YLPM1: variants seen among roughly 807,000 people sequenced by gnomAD.
YLPM1 encodes YLP motif-containing protein 1.
In YLPM1, 99 loss-of-function variants were observed where a neutral mutation model predicts 230.0. That is an observed-to-expected ratio of 0.43 (90% confidence interval 0.37 to 0.51). The LOEUF (loss-of-function observed/expected upper bound fraction) is 0.51, where lower values mean the gene tolerates loss of function less well. Among genes scored for constraint, YLPM1 ranks in the 20% least tolerant of loss-of-function variants. The probability of loss-of-function intolerance (pLI) is 0.00; values close to 1 mark genes in which losing one functional copy is unlikely to be tolerated. For synonymous variants in YLPM1, 984 were observed against 942.5 expected, an observed-to-expected ratio of 1.04 and a Z score of -0.81; for missense variants, 2,592 against 2,707.7, an observed-to-expected ratio of 0.96 and a Z score of 0.95.
At chr14:74,773,152 G>A (rs1403461964) in intron 1 of YLPM1, among the ~76,000 whole-genome samples, 2 of 152,212 alleles carry the variant, frequency 1.3e-5, no homozygotes, top group Non-Finnish European at 2.9e-5. Context: ...GCCGGGCGTG[G>A]TGGCGGGCGC....
rs1434168956 is a variant in YLPM1, at chr14:74,780,448, C to T, written c.1154C>T (p.Ala385Val). 6.2e-7 allele frequency: 1 copy of T among 1,613,842 alleles called. No individual in the cohort carries two copies. The highest frequency in any genetic ancestry group is 1.3e-5 in the African/African-American group (1 of 75,058). Residue 385 changes from alanine (A) to valine (V), a missense_variant, in exon 3 of 21, where the codon GCT becomes GTT. This residue lies in a region of YLPM1 where 1,862 missense variants were observed against 1,819.8 expected (regional missense o/e 1.02). Coordinates refer to ENST00000325680, the MANE Select transcript of YLPM1 (RefSeq NM_019589.3). ...GATGCCAGGTTAAAGCAGTTGCAGGCTGCAGCAGCACACTGGCAGCAGCAC... is the reference window on the plus strand; with the variant it reads ...GATGCCAGGTTAAAGCAGTTGCAGGTTGCAGCAGCACACTGGCAGCAGCAC... ...EEDARLKQLQ[A>V]AAAHWQQHQQ... is the part of the protein sequence containing the mutation.
At chr14:74,831,480 C>T (rs182104974) in intron 19 of YLPM1, among the ~76,000 whole-genome samples, 3 of 152,160 alleles carry the variant, frequency 2.0e-5, no homozygotes, top group African/African-American at 7.2e-5. Context: ...GTTCTGGTAA[C>T]AATTAGTAAT....
At chr14:74,787,737 G>T (rs555326909) in intron 4 of YLPM1, among the ~76,000 whole-genome samples, 1 of 152,068 alleles carries the variant, frequency 6.6e-6, no homozygotes, top group Middle Eastern at 3.4e-3. Context: ...TAAAGGGGCC[G>T]GGCATGGTGG....
In YLPM1 at chr14:74,763,802, C is replaced by A. The variant is rs1190593935; in HGVS notation, c.313C>A (p.Pro105Thr). 1.3e-6 allele frequency: 2 copies of A among 1,511,912 alleles called. No homozygotes were observed. The highest frequency in any genetic ancestry group is 1.8e-6 in the Non-Finnish European group (2 of 1,130,718). 93.7% of individuals were successfully genotyped at this position (1,511,912 alleles called of 1,614,324 possible). A position where few individuals can be genotyped will look rare whatever the true frequency, so the allele number is the denominator to read the frequency against. ...GGYGDWQPPP[P>T]PMPPPPGPAL... ...CTACGGAGACTGGCAGCCGCCACCGCCACCGATGCCCCCGCCACCCGGGCC... is the reference window on the plus strand; with the variant it reads ...CTACGGAGACTGGCAGCCGCCACCGACACCGATGCCCCCGCCACCCGGGCC... Residue 105 changes from proline to threonine, a missense_variant, in exon 1 of 21, where the codon CCA becomes ACA. Pro to Thr is a conservative substitution (Grantham distance 38). Transcript: ENST00000325680.
chr14:74,817,035 C>T lies in YLPM1; in HGVS notation c.5790C>T (p.Ile1930=). Residue 1930 remains isoleucine, a synonymous_variant, in exon 14 of 21, where the codon ATC becomes ATT. Coordinates refer to ENST00000325680, the MANE Select transcript of YLPM1 (RefSeq NM_019589.3). ...TLDDGFFPFI[I]LDAINDRVRH... is the part of the protein sequence containing the mutation. Reference sequence around the variant, plus strand: ...ATGATGGCTTTTTTCCCTTCATCATCCTGGATGCCATCAATGACAGAGTTA... The same window carrying T: ...ATGATGGCTTTTTTCCCTTCATCATTCTGGATGCCATCAATGACAGAGTTA... 1 of 1,612,002 alleles carries T rather than the reference C, an allele frequency of 6.2e-7. No homozygotes were observed. The highest frequency in any genetic ancestry group is 8.5e-7 in the Non-Finnish European group (1 of 1,179,176).
At chr14:74,788,532 T>G (rs2091171774) in intron 4 of YLPM1, among the ~76,000 whole-genome samples, 1 of 152,234 alleles carries the variant, frequency 6.6e-6, no homozygotes, top group South Asian at 2.1e-4. Context: ...ACACCACATT[T>G]CCTTTCTGTT....
chr14:74,810,338 C>T lies in YLPM1; in HGVS notation c.5146C>T (p.His1716Tyr). ...HRDFKRDRET[H>Y]RDRDRDRGVI... ...AGATTTTAAAAGGGATCGTGAGACA[C>T]ATAGAGATCGAGACCGGGATCGTGG... The change falls in exon 9 of 21, where the codon CAT becomes TAT. Residue 1716 changes from histidine (H) to tyrosine (Y), a missense_variant. Physicochemically the swap from His to Tyr is moderately conservative, Grantham distance 83. Coordinates refer to ENST00000325680, the MANE Select transcript of YLPM1 (RefSeq NM_019589.3). 6.2e-7 allele frequency: 1 copy of T among 1,613,646 alleles called. No individual in the cohort carries two copies. The highest frequency in any genetic ancestry group is 8.5e-7 in the Non-Finnish European group (1 of 1,179,846).
intron 5 of YLPM1, among the ~76,000 whole-genome samples, 170 bp from the exon 6 acceptor site, chr14:74,802,386 A>G (rs2091336290): frequency 6.6e-6 from 1 of 152,212 alleles, no homozygotes; most frequent in African/African-American, 2.4e-5. Flanking sequence ...TGAGTTAGCT[A>G]CATAAAAGCA....
chr14:74,764,854 A>G (rs1374066463), intron 1 of YLPM1, among the ~76,000 whole-genome samples: 2 of 152,208 alleles, frequency 1.3e-5, no homozygotes, highest in African/African-American at 4.8e-5. Context: ...TCCTGAATTA[A>G]GAGGTTTCAG....
At chr14:74,802,434 C>T in intron 5 of YLPM1, 122 bp from the exon 6 acceptor site, 1 of 1,177,746 alleles carries the variant, frequency 8.5e-7, no homozygotes, top group South Asian at 1.8e-5. Flanking sequence ...TGTATGGCCA[C>T]TGCAGAGAAT....
chr14:74,787,332 G>A (rs555292844), intron 4 of YLPM1, among the ~76,000 whole-genome samples: 253 of 152,296 alleles, frequency 1.7e-3, no homozygotes, highest in African/African-American at 5.8e-3. Context: ...GGAGGCTGAC[G>A]CGGGCAGATC....
At chr14:74,821,278 C>T (rs2091518190) in intron 17 of YLPM1, 141 bp downstream of exon 17, 3 of 1,223,878 alleles carry the variant, frequency 2.5e-6, no homozygotes, top group Non-Finnish European at 3.2e-6. Context: ...TTCAAGGAGA[C>T]TTTTGGATAC....
chr14:74,784,361 G>C lies in YLPM1; in HGVS notation c.2282+2036G>C, dbSNP rs144946486. 1.1e-4 allele frequency among the ~76,000 whole-genome samples: 16 copies of C among 152,296 alleles called. No individual in the cohort carries two copies. In the East Asian group the frequency reaches 3.1e-3, roughly 29 times the overall value. On this transcript the variant is annotated intron_variant, in intron 4 of 20. Coordinates refer to ENST00000325680, the MANE Select transcript of YLPM1 (RefSeq NM_019589.3). ...TATCTGTCTACGGCAACGCACGTTT[G>C]TATTCCATTTCAGTTTGTCACAATG...
Position 74,798,881 on chromosome 14 carries a change from A to T in YLPM1, c.3584A>T (p.His1195Leu). Residue 1195 changes from histidine to leucine, a missense_variant, in exon 5 of 21, where the codon CAT (histidine) becomes CTT (leucine). By Grantham distance (99) the His-to-Leu change is moderately conservative (BLOSUM62 -3). This residue lies in a region of YLPM1 where 1,862 missense variants were observed against 1,819.8 expected (regional missense o/e 1.02). Transcript: ENST00000325680. ...GAGCCTCCTAGGGCTCCATGGAACC[A>T]TGGAGAAGAGCGAGGGCATGAAGAG... is the stretch of plus-strand genomic sequence containing the variant. ...RDEPPRAPWN[H>L]GEERGHEEFP... 1 of 1,613,976 alleles carries T rather than the reference A, an allele frequency of 6.2e-7. No homozygotes were observed. The highest frequency in any genetic ancestry group is 8.5e-7 in the Non-Finnish European group (1 of 1,179,868).
In YLPM1 at chr14:74,799,204, A is replaced by C. The variant is rs775097305; in HGVS notation, c.3907A>C (p.Ser1303Arg). The C allele has an allele frequency of 1.9e-6, 3 of 1,613,992 alleles. No individual in the cohort carries two copies. Reference protein sequence around the residue: ...ISRPMDMYDRSLDNEWDRDYG... With the variant: ...ISRPMDMYDRRLDNEWDRDYG... ...AAGACCTATGGATATGTATGATAGA[A>C]GTTTGGATAATGAGTGGGACAGAGA... is the stretch of plus-strand genomic sequence containing the variant. Residue 1303 changes from serine to arginine, a missense_variant, in exon 5 of 21, where the codon AGT becomes CGT. Transcript: ENST00000325680.
chr14:74,802,795 G>A, intron 6 of YLPM1, 119 bp downstream of exon 6: 2 of 1,303,508 alleles, frequency 1.5e-6, no homozygotes, highest in African/African-American at 1.5e-5. Flanking sequence ...TGTAAATTTT[G>A]GAAACTTAAA....
chr14:74,786,169 C>T (rs914912583), intron 4 of YLPM1, among the ~76,000 whole-genome samples: 9 of 151,848 alleles, frequency 5.9e-5, no homozygotes, highest in Non-Finnish European at 2.9e-5. Context: ...CGAGACCAGC[C>T]TGGTCAATAT....
At chr14:74,829,062 C>A in intron 18 of YLPM1, 151 bp from the exon 19 acceptor site, 1 of 789,660 alleles carries the variant, frequency 1.3e-6, no homozygotes, top group Non-Finnish European at 2.0e-6. Flanking sequence ...ATTATCTCAG[C>A]CAAGAAGATA....
chr14:74,829,055 A>G (rs1054863125), intron 18 of YLPM1, among the ~76,000 whole-genome samples, 158 bp from the exon 19 acceptor site: 4 of 152,216 alleles, frequency 2.6e-5, no homozygotes, highest in African/African-American at 9.6e-5. Context: ...ACTTGATATT[A>G]TCTCAGCCAA....
Sources: gnomAD v4.1 joint callset for allele counts (sites outside exome capture counted in the v4.1 genomes callset) on GRCh38, gnomAD v4.1.1 for gene constraint, gnomAD v4.1.1 regional missense constraint, MANE v1.5 for transcripts, NCBI Gene and HGNC (gene_info 2026-07-23, HGNC 2026-07-21) for gene names.